Variants in SLC6A11 observed in about 807,000 individuals in gnomAD.
SLC6A11 encodes sodium- and chloride-dependent GABA transporter 3.
SLC6A11 carries 25 observed loss-of-function variants against 74.8 expected under a neutral mutation model. The ratio of observed to expected loss-of-function variants is 0.33; its 90% CI spans 0.24 to 0.47. The LOEUF (loss-of-function observed/expected upper bound fraction) is 0.47. Among genes scored for constraint, SLC6A11 ranks in the 20% least tolerant of loss-of-function variants. SLC6A11 has a pLI of 1.00. For missense variants in SLC6A11, 574 were observed against 837.0 expected (o/e 0.69, Z 3.88); for synonymous variants, 330 against 330.2 (o/e 1.00, Z 0.01).
intron 10 of SLC6A11, among the ~76,000 whole-genome samples, 200 bp downstream of exon 10, chr3:10,929,539 G>A (rs1695656412): frequency 6.6e-6 from 1 of 152,166 alleles, no homozygotes; most frequent in Admixed American, 6.5e-5. Flanking sequence ...ATGTGCAAGT[G>A]CTCAGCTAAA....
At chr3:10,881,355 G>A (rs949640340) in intron 6 of SLC6A11, among the ~76,000 whole-genome samples, 5 of 152,226 alleles carry the variant, frequency 3.3e-5, no homozygotes, top group African/African-American at 1.2e-4. Flanking sequence ...GGTGGAGGTT[G>A]CAGGGAGCCA....
At chr3:10,924,735 A>G (rs1695580033) in intron 8 of SLC6A11, among the ~76,000 whole-genome samples, 1 of 152,248 alleles carries the variant, frequency 6.6e-6, no homozygotes, top group African/African-American at 2.4e-5. Flanking sequence ...TAAACATGTG[A>G]AGATACTCGA....
intron 4 of SLC6A11, among the ~76,000 whole-genome samples, chr3:10,838,267 T>C (rs980913287): frequency 2.0e-5 from 3 of 152,200 alleles, no homozygotes; most frequent in African/African-American, 7.2e-5. Flanking sequence ...TGGGAGACTG[T>C]TTCCTTCTCT....
intron 5 of SLC6A11, among the ~76,000 whole-genome samples, chr3:10,860,703 C>T (rs1449845945): frequency 6.6e-6 from 1 of 152,202 alleles, no homozygotes; most frequent in African/African-American, 2.4e-5. Context: ...CCAGCTTATG[C>T]ATTCCTCCCT....
At chr3:10,875,324 G>A (rs1694895153) in intron 6 of SLC6A11, among the ~76,000 whole-genome samples, 1 of 152,214 alleles carries the variant, frequency 6.6e-6, no homozygotes. Flanking sequence ...CATGGTAATA[G>A]ATGCACATTT....
intron 8 of SLC6A11, among the ~76,000 whole-genome samples, chr3:10,922,369 A>G (rs1695548002): frequency 6.6e-6 from 1 of 152,344 alleles, no homozygotes; most frequent in Non-Finnish European, 1.5e-5. Flanking sequence ...TTTACAATAT[A>G]AAATAATCAA....
chr3:10,859,691 T>C (rs1247003197), intron 5 of SLC6A11, among the ~76,000 whole-genome samples: 1 of 152,194 alleles, frequency 6.6e-6, no homozygotes, highest in African/African-American at 2.4e-5. Flanking sequence ...TCTGTAGATA[T>C]CGTCTTATTT....
At chr3:10,894,884 A>G (rs1280977532) in intron 6 of SLC6A11, among the ~76,000 whole-genome samples, 3 of 152,244 alleles carry the variant, frequency 2.0e-5, no homozygotes, top group Non-Finnish European at 2.9e-5. Flanking sequence ...TCAAAACATC[A>G]TGTCTAAACC....
chr3:10,914,390 G>A (rs1391546421), intron 7 of SLC6A11, among the ~76,000 whole-genome samples: 1 of 152,178 alleles, frequency 6.6e-6, no homozygotes, highest in Non-Finnish European at 1.5e-5. Context: ...TAAGTGCGAG[G>A]CCCTGGAATC....
At chr3:10,916,297 C>A (rs1695453331) in intron 7 of SLC6A11, among the ~76,000 whole-genome samples, 1 of 152,192 alleles carries the variant, frequency 6.6e-6, no homozygotes, top group African/African-American at 2.4e-5. Flanking sequence ...TTCACAGTAC[C>A]AGAAGAGTTA....
At chr3:10,936,124 A>G (rs1174072515) in intron 13 of SLC6A11, among the ~76,000 whole-genome samples, 1 of 152,150 alleles carries the variant, frequency 6.6e-6, no homozygotes, top group Non-Finnish European at 1.5e-5. Context: ...TTATTTAGTA[A>G]ACAGCACAGG....
At chr3:10,914,994 T>C (rs1695437125) in intron 7 of SLC6A11, among the ~76,000 whole-genome samples, 1 of 152,114 alleles carries the variant, frequency 6.6e-6, no homozygotes, top group Non-Finnish European at 1.5e-5. Context: ...TGTACTTAGT[T>C]TAGTGCTGGC....
intron 8 of SLC6A11, among the ~76,000 whole-genome samples, chr3:10,924,737 G>C (rs1695580103): frequency 6.6e-6 from 1 of 152,138 alleles, no homozygotes; most frequent in Non-Finnish European, 1.5e-5. Flanking sequence ...AACATGTGAA[G>C]ATACTCGATG....
intron 5 of SLC6A11, among the ~76,000 whole-genome samples, chr3:10,849,794 C>CAAAAAA (rs56099322): frequency 1.0e-4 from 9 of 87,276 alleles, no homozygotes; most frequent in Non-Finnish European, 2.0e-4. Context: ...TTGTTGAAGC[C>CAAAAAA]AAAAAAAAAA....
Position 10,854,537 on chromosome 3 carries a change from C to T in SLC6A11, c.756+10191C>T, listed in dbSNP as rs78957419. ...TGCTGGAGGCTTGGCCACAGGCAGG[C>T]GTTGTGCTAAGCACCATGCAGCATC... On this transcript the variant is annotated intron_variant, in intron 5 of 13. Coordinates refer to ENST00000254488, the MANE Select transcript of SLC6A11 (RefSeq NM_014229.3). Among the ~76,000 whole-genome samples the T allele has an allele frequency of 3.6e-3, 546 of 152,330 alleles. 5 individuals are homozygous for T. Among genetic ancestry groups the T allele is most frequent in the African/African-American group, 0.013 (530 of 41,572 alleles).
intron 6 of SLC6A11, among the ~76,000 whole-genome samples, chr3:10,891,211 A>G (rs1695104300): frequency 6.6e-6 from 1 of 152,224 alleles, no homozygotes; most frequent in African/African-American, 2.4e-5. Context: ...CATTTCTAGC[A>G]TCTGGGAGAA....
At chr3:10,832,060 T>C (rs1694305268) in intron 4 of SLC6A11, among the ~76,000 whole-genome samples, 1 of 152,262 alleles carries the variant, frequency 6.6e-6, no homozygotes, top group Admixed American at 6.5e-5. Flanking sequence ...TGTCTTGATA[T>C]TAGTTCATTT....
chr3:10,897,362 C>A (rs1266283847), intron 6 of SLC6A11, among the ~76,000 whole-genome samples: 3 of 152,212 alleles, frequency 2.0e-5, no homozygotes, highest in African/African-American at 7.2e-5. Context: ...TCATCTGAAA[C>A]AAGGCAAGTC....
At chr3:10,840,472 C>T (rs1218025527) in intron 4 of SLC6A11, among the ~76,000 whole-genome samples, 1 of 152,232 alleles carries the variant, frequency 6.6e-6, no homozygotes, top group African/African-American at 2.4e-5. Flanking sequence ...TATCTGTCTT[C>T]TCCACTAGAC....
Sources: gnomAD v4.1 joint callset for allele counts (sites outside exome capture counted in the v4.1 genomes callset) on GRCh38, gnomAD v4.1.1 for gene constraint, MANE v1.5 for transcripts, NCBI Gene and HGNC (gene_info 2026-07-23, HGNC 2026-07-21) for gene names.